NTRK2: variants seen among roughly 807,000 people sequenced by gnomAD.
The protein encoded by NTRK2 is neurotrophic receptor tyrosine kinase 2.
Under a neutral mutation model 94.5 loss-of-function variants are expected in NTRK2, and 13 were observed. The observed-to-expected ratio is 0.14, with a 90% CI of 0.09 to 0.22. The LOEUF (loss-of-function observed/expected upper bound fraction) is 0.22. Among genes scored for constraint, NTRK2 ranks in the 10% least tolerant of loss-of-function variants. The pLI, the probability that NTRK2 is intolerant of heterozygous loss-of-function variation, is 1.00. For missense variants in NTRK2, 639 were observed against 1,071.2 expected, an observed-to-expected ratio of 0.60 and a Z score of 5.63; for synonymous variants, 372 against 407.4, an observed-to-expected ratio of 0.91 and a Z score of 1.05.
chr9:84,808,780 G>A (rs899004444), intron 12 of NTRK2, among the ~76,000 whole-genome samples: 1 of 152,198 alleles, frequency 6.6e-6, no homozygotes, highest in African/African-American at 2.4e-5. Flanking sequence ...GGAAGGGCAG[G>A]AGGGAGAAAT....
chr9:84,749,483 G>T lies in NTRK2; in HGVS notation c.1297-2503G>T, dbSNP rs530006999. Among the ~76,000 whole-genome samples the T allele has an allele frequency of 7.6e-4, 116 of 152,306 alleles. No individual in the cohort carries two copies. The South Asian group carries it at 0.01, about 13-fold the overall frequency. On this transcript the variant is annotated intron_variant, in intron 11 of 18. Coordinates refer to ENST00000277120, the MANE Select transcript of NTRK2 (RefSeq NM_006180.6). ...CTCAACCACATGCTTTGCAGAGACA[G>T]TGTAGTGGATAAATCACAGGATTTA...
intron 17 of NTRK2, among the ~76,000 whole-genome samples, 169 bp from the exon 18 acceptor site, chr9:85,020,037 C>T (rs1832646178): frequency 1.3e-5 from 2 of 152,194 alleles, no homozygotes. Context: ...TCTTTGCCTT[C>T]TGTCTCTGTT....
intron 14 of NTRK2, 122 bp downstream of exon 14, chr9:84,867,553 A>T: frequency 1.1e-6 from 1 of 879,270 alleles, no homozygotes; most frequent in South Asian, 1.3e-5. Context: ...ATGTTTGAGG[A>T]TTCTTGCAGC....
In NTRK2 at chr9:84,916,873, C is replaced by T. The variant is rs148046382; in HGVS notation, c.1634-17289C>T. 3.9e-5 allele frequency among the ~76,000 whole-genome samples: 6 copies of T among 152,304 alleles called. No homozygotes were observed. The East Asian group carries it at 5.8e-4, about 15-fold the overall frequency. ...TCAAGAGAGAGATGGCAGTGATTTA[C>T]GGTGACATCTATTAAGCTTTTATAG... On this transcript the variant is annotated intron_variant, in intron 14 of 18. Coordinates refer to ENST00000277120, the MANE Select transcript of NTRK2 (RefSeq NM_006180.6).
At chr9:84,821,290 G>C (rs2072806284) in intron 12 of NTRK2, among the ~76,000 whole-genome samples, 1 of 150,718 alleles carries the variant, frequency 6.6e-6, no homozygotes, top group African/African-American at 2.4e-5. Flanking sequence ...GTGTGCGAGA[G>C]AGAGAGAGCA....
Position 85,005,714 on chromosome 9 carries a change from A to T in NTRK2, c.2173-14492A>T, listed in dbSNP as rs921873237. Reference sequence around the variant, plus strand: ...GCTCTGGGCTTTTTTGTACCTGCTGACCCCAATACCTGGAATGTAACCTCT... The same window carrying T: ...GCTCTGGGCTTTTTTGTACCTGCTGTCCCCAATACCTGGAATGTAACCTCT... On this transcript the variant is annotated intron_variant, in intron 17 of 18. Coordinates refer to ENST00000277120, the MANE Select transcript of NTRK2 (RefSeq NM_006180.6). Among the ~76,000 whole-genome samples, 62 of 152,000 alleles carry T rather than the reference A, an allele frequency of 4.1e-4. 1 individual carries two copies. The highest frequency in any genetic ancestry group is 1.9e-4 in the Non-Finnish European group (13 of 67,998).
At chr9:84,948,414 T>C in intron 15 of NTRK2, 48 bp from the exon 16 acceptor site, 1 of 1,580,552 alleles carries the variant, frequency 6.3e-7, no homozygotes, top group Non-Finnish European at 8.7e-7. Context: ...TATCTCAGTA[T>C]CATAGGGCCC....
chr9:84,908,932 C>G (rs567789696), intron 14 of NTRK2, among the ~76,000 whole-genome samples: 1 of 152,194 alleles, frequency 6.6e-6, no homozygotes, highest in South Asian at 2.1e-4. Context: ...GCCCATGTGC[C>G]CTTTACCCAG....
chr9:84,939,847 T>C (rs2078344989), intron 15 of NTRK2, among the ~76,000 whole-genome samples: 1 of 152,128 alleles, frequency 6.6e-6, no homozygotes, highest in African/African-American at 2.4e-5. Flanking sequence ...GTCTTCTCCA[T>C]CCCTTGGCTC....
At chr9:84,843,711 A>G (rs1485427052) in intron 12 of NTRK2, among the ~76,000 whole-genome samples, 1 of 152,194 alleles carries the variant, frequency 6.6e-6, no homozygotes, top group Non-Finnish European at 1.5e-5. Flanking sequence ...TAGAGGCTTT[A>G]TGCTATGCAC....
intron 17 of NTRK2, among the ~76,000 whole-genome samples, chr9:84,990,079 T>C (rs1453992230): frequency 6.6e-6 from 1 of 152,202 alleles, no homozygotes; most frequent in Non-Finnish European, 1.5e-5. Flanking sequence ...AGGCTGGTCC[T>C]GAGGATTAAA....
intron 14 of NTRK2, among the ~76,000 whole-genome samples, chr9:84,920,296 G>A (rs2077521658): frequency 2.6e-5 from 4 of 152,170 alleles, no homozygotes; most frequent in Admixed American, 1.3e-4. Flanking sequence ...TGAGTTCAAT[G>A]TTAGGTCCTC....
chr9:84,838,335 A>G (rs1053777879), intron 12 of NTRK2, among the ~76,000 whole-genome samples: 4 of 152,192 alleles, frequency 2.6e-5, no homozygotes, highest in Non-Finnish European at 5.9e-5. Flanking sequence ...AATAGTGTGC[A>G]GTAATACCAG....
intron 17 of NTRK2, among the ~76,000 whole-genome samples, chr9:84,960,268 A>G (rs542457307): frequency 8.9e-4 from 135 of 152,310 alleles, no homozygotes; most frequent in African/African-American, 3.2e-3. Context: ...ACCAGCTAAT[A>G]TAGCAAGTGG....
intron 2 of NTRK2, among the ~76,000 whole-genome samples, chr9:84,686,711 A>C (rs1443698935): frequency 6.6e-6 from 1 of 152,212 alleles, no homozygotes; most frequent in Non-Finnish European, 1.5e-5. Context: ...GTAAAAATGC[A>C]TTGGGCTGAT....
chr9:84,940,735 TA>T (rs112747441), intron 15 of NTRK2, among the ~76,000 whole-genome samples: 10,105 of 146,666 alleles, frequency 0.069, 581 homozygotes, highest in African/African-American at 0.16. Context: ...TGGAACAGTT[TA>T]AAAAAAAAAA....
At chr9:84,989,454 T>C (rs999173391) in intron 17 of NTRK2, among the ~76,000 whole-genome samples, 2 of 152,266 alleles carry the variant, frequency 1.3e-5, no homozygotes, top group Non-Finnish European at 2.9e-5. Flanking sequence ...TACCTCAAAA[T>C]AATAAGCCAT....
At chr9:84,902,727 A>G (rs1044743862) in intron 14 of NTRK2, among the ~76,000 whole-genome samples, 4 of 152,034 alleles carry the variant, frequency 2.6e-5, no homozygotes, top group African/African-American at 9.7e-5. Context: ...TTCCTTCCCT[A>G]TGTCTCTAAG....
At chr9:84,989,787 T>C (rs1266718231) in intron 17 of NTRK2, among the ~76,000 whole-genome samples, 1 of 152,246 alleles carries the variant, frequency 6.6e-6, no homozygotes, top group African/African-American at 2.4e-5. Flanking sequence ...TTTTGTAGTC[T>C]TCTTTAAAAG....
Sources: allele counts gnomAD v4.1 joint callset (sites outside exome capture counted in the v4.1 genomes callset), GRCh38; gene constraint gnomAD v4.1.1; transcripts MANE v1.5; gene names NCBI Gene and HGNC (gene_info 2026-07-23, HGNC 2026-07-21).